TRIM21: variants seen among roughly 807,000 people sequenced by gnomAD.
TRIM21 encodes tripartite motif containing 21.
TRIM21 carries 35 observed loss-of-function variants against 36.1 expected under a neutral mutation model. The ratio of observed to expected loss-of-function variants is 0.97; its 90% CI spans 0.74 to 1.28. The LOEUF (loss-of-function observed/expected upper bound fraction) is 1.28. TRIM21 is among the 50% of genes most tolerant of loss of function. The pLI, the probability that TRIM21 is intolerant of heterozygous loss-of-function variation, is 0.00. For synonymous variants in TRIM21, 256 were observed against 211.5 expected, an observed-to-expected ratio of 1.21 and a Z score of -1.83; for missense variants, 635 against 570.7, an observed-to-expected ratio of 1.11 and a Z score of -1.15.
chr11:4,390,530 T>C, intron 1 of TRIM21, 72 bp from the exon 2 acceptor site: 1 of 951,268 alleles, frequency 1.1e-6, no homozygotes. Flanking sequence ...GTCAACATAA[T>C]CCCTATCAAA....
rs759245070 is a variant in TRIM21, at chr11:4,385,705, G to A, written c.1008C>T (p.His336=). Residue 336 remains histidine, a synonymous_variant, in exon 7 of 7, where the codon CAC becomes CAT. Coordinates refer to ENST00000254436, the MANE Select transcript of TRIM21 (RefSeq NM_003141.4). Reference sequence around the variant, plus strand: ...CCCAGTAATGTTTTCCAGAGTGAAAGTGCTGGGCACCCAGGACCATAGGAT... The same window carrying A: ...CCCAGTAATGTTTTCCAGAGTGAAAATGCTGGGCACCCAGGACCATAGGAT... ...DSYPMVLGAQ[H]FHSGKHYWEV... 18 of 1,613,272 alleles carry A rather than the reference G, an allele frequency of 1.1e-5. No homozygotes were observed. Among genetic ancestry groups the A allele is most frequent in the South Asian group, 2.2e-5 (2 of 90,866 alleles).
rs1564809357 is a variant in TRIM21 at position 4,385,705 on chromosome 11, GT to G, written c.1007del (p.His336ProfsTer11). ...DSYPMVLGAQHFHSGKHYWEV... is the reference protein window; with the variant it reads ...DSYPMVLGAQXFHSGKHYWEV... ...CCCAGTAATGTTTTCCAGAGTGAAA[GT>G]GCTGGGCACCCAGGACCATAGGATA... On this transcript the variant is annotated frameshift_variant, in exon 7 of 7. Transcript: ENST00000254436. LOFTEE classifies it low-confidence loss of function (END_TRUNC). 1 of 1,613,272 alleles carries G rather than the reference GT, an allele frequency of 6.2e-7. No homozygotes were observed. The highest frequency in any genetic ancestry group is 2.2e-5 in the East Asian group (1 of 44,852).
intron 1 of TRIM21, among the ~76,000 whole-genome samples, chr11:4,392,151 A>G (rs2094963748): frequency 6.6e-6 from 1 of 152,182 alleles, no homozygotes. Context: ...ATTATTACAC[A>G]TTGTATACCT....
In TRIM21 at chr11:4,385,552, T is replaced by A; in HGVS notation, c.1161A>T (p.Lys387Asn). ...TCTGGGGGTAGGTGCCAGCCTCATA[T>A]TTTTGTTTGTTCCACAACCAAATTG... ...FWTIWLWNKQ[K>N]YEAGTYPQTP... The change falls in exon 7 of 7, where the codon AAA (lysine) becomes AAT (asparagine). Residue 387 changes from lysine (K) to asparagine (N), a missense_variant. By Grantham distance (94) the Lys-to-Asn change is moderately conservative. Transcript: ENST00000254436. The A allele has an allele frequency of 6.2e-7, 1 of 1,612,376 alleles. No individual in the cohort carries two copies. The highest frequency in any genetic ancestry group is 8.5e-7 in the Non-Finnish European group (1 of 1,179,202).
At chr11:4,387,337 A>G (rs2599586) in intron 4 of TRIM21, among the ~76,000 whole-genome samples, 77,517 of 151,482 alleles carry the variant, frequency 0.51, 20,391 homozygotes, top group African/African-American at 0.64. Context: ...AAACAATCAC[A>G]GGCAGAGAAT....
At chr11:4,386,392 G>A in intron 5 of TRIM21, 135 bp from the exon 6 acceptor site, 1 of 784,938 alleles carries the variant, frequency 1.3e-6, no homozygotes, top group Non-Finnish European at 2.2e-6. Flanking sequence ...CAAGTCTCCA[G>A]GAGTGGGTGT....
In TRIM21 at chr11:4,388,335, G is replaced by C. The variant is rs201531249; in HGVS notation, c.700C>G (p.Arg234Gly). Residue 234 changes from arginine to glycine, a missense_variant, in exon 4 of 7, where the codon CGA (arginine) becomes GGA (glycine). Coordinates refer to ENST00000254436, the MANE Select transcript of TRIM21 (RefSeq NM_003141.4). ...ALQELISELDRRCHSSALELL... is the reference protein window; with the variant it reads ...ALQELISELDGRCHSSALELL... ...TCCAGTGCTGAGCTGTGGCACCTTC[G>C]ATCTAGCTCTGAGATGAGCTCCTGT... The C allele has an allele frequency of 7.4e-6, 12 of 1,613,880 alleles. No individual in the cohort carries two copies. Among genetic ancestry groups the C allele is most frequent in the South Asian group, 5.5e-5 (5 of 91,082 alleles).
intron 4 of TRIM21, among the ~76,000 whole-genome samples, chr11:4,387,596 T>C (rs2554932): frequency 0.79 from 119,619 of 151,988 alleles, 47,150 homozygotes; most frequent in East Asian, 0.86. Flanking sequence ...TGGCTCACTC[T>C]TGTAATCCCA....
intron 4 of TRIM21, 113 bp from the exon 5 acceptor site, chr11:4,387,103 TC>T: frequency 9.4e-7 from 1 of 1,059,648 alleles, no homozygotes; most frequent in Non-Finnish European, 1.4e-6. Flanking sequence ...TTCCTCTCCT[TC>T]CTCTGGTCCT....
Position 4,385,050 on chromosome 11 carries a change from T to C in TRIM21, c.*235A>G, listed in dbSNP as rs995815045. ...AAAGAAGGCAGAAACATGTTTTTGG[T>C]TGATCAAGATGAGTTTGGGCCAAAT... On this transcript the variant is annotated 3_prime_UTR_variant, in exon 7 of 7. Transcript: ENST00000254436. 8.5e-6 allele frequency: 4 copies of C among 469,622 alleles called. No individual in the cohort carries two copies. Among genetic ancestry groups the C allele is most frequent in the South Asian group, 4.6e-5 (1 of 21,560 alleles). 29.1% of individuals were successfully genotyped at this position (469,622 alleles called of 1,614,324 possible). A position where few individuals can be genotyped will look rare whatever the true frequency, so the allele number is the denominator to read the frequency against.
At chr11:4,393,258 C>T (rs2094965200) in intron 1 of TRIM21, among the ~76,000 whole-genome samples, 1 of 152,164 alleles carries the variant, frequency 6.6e-6, no homozygotes, top group South Asian at 2.1e-4. Flanking sequence ...CCTGGCTAGG[C>T]TGTAGTCCTG....
chr11:4,387,127 T>C, intron 4 of TRIM21, 137 bp from the exon 5 acceptor site: 1 of 852,812 alleles, frequency 1.2e-6, no homozygotes, highest in South Asian at 1.7e-5. Context: ...GCCCCAGAGA[T>C]GATTCTGACC....
At position 4,385,664 on chromosome 11, in the gene TRIM21, C is replaced by T; in HGVS notation, c.1049G>A (p.Gly350Glu). ...GACACCCAGGTCCCAGGCCTCCTTT[C>T]CTGTCACATCTACCTCCCAGTAATG... ...GKHYWEVDVT[G>E]KEAWDLGVCR... is the part of the protein sequence containing the mutation. The change falls in exon 7 of 7, where the codon GGA becomes GAA. Residue 350 changes from glycine (G) to glutamate (E), a missense_variant. Coordinates refer to ENST00000254436, the MANE Select transcript of TRIM21 (RefSeq NM_003141.4). 1.2e-6 allele frequency: 2 copies of T among 1,613,264 alleles called. No homozygotes were observed. The highest frequency in any genetic ancestry group is 1.7e-6 in the Non-Finnish European group (2 of 1,179,594).
chr11:4,386,041 T>A (rs1019102597), intron 6 of TRIM21, 116 bp downstream of exon 6: 1 of 1,132,810 alleles, frequency 8.8e-7, no homozygotes, highest in Admixed American at 2.0e-5. Flanking sequence ...CTTACCTCCA[T>A]CTCTGTTCCC....
At position 4,390,286 on chromosome 11, in the gene TRIM21, G is replaced by A; in HGVS notation, c.124C>T (p.Gln42Ter). 6.2e-7 allele frequency: 1 copy of A among 1,613,990 alleles called. No individual in the cohort carries two copies. The highest frequency in any genetic ancestry group is 1.1e-5 in the South Asian group (1 of 91,090). ...GHSFCQECISQVGKGGGSVCP... is the reference protein window; with the variant it reads ...GHSFCQECIS ...ACGCTGCCCCCACCTTTCCCAACCT[G>A]AGAGATGCATTCCTGGCAGAAGCTG... The change falls in exon 2 of 7, where the codon CAG becomes TAG. Residue 42 changes from glutamine to a stop codon, truncating the protein, a stop_gained. Transcript: ENST00000254436. LOFTEE classifies it high-confidence loss of function.
intron 5 of TRIM21, 82 bp from the exon 6 acceptor site, chr11:4,386,339 C>T (rs756158733): frequency 2.3e-5 from 27 of 1,150,732 alleles, no homozygotes; most frequent in Middle Eastern, 1.9e-4. Flanking sequence ...TGGAGGACTC[C>T]GATAATTTAA....
chr11:4,385,810 T>C lies in TRIM21; in HGVS notation c.903A>G (p.Ile301Met), dbSNP rs1286388652. 1.9e-6 allele frequency: 3 copies of C among 1,613,356 alleles called. No homozygotes were observed. Among genetic ancestry groups the C allele is most frequent in the Non-Finnish European group, 2.5e-6 (3 of 1,179,654 alleles). ...LDPDTANPWLILSEDRRQVRL... is the reference protein window; with the variant it reads ...LDPDTANPWLMLSEDRRQVRL... ...TCACTTGTCTCCGATCTTCTGAAAG[T>C]ATCAGCCACGGATTGGCTGTGTCTG... The change falls in exon 7 of 7, where the codon ATA becomes ATG. Residue 301 changes from isoleucine (I) to methionine (M), a missense_variant. Physicochemically the swap from Ile to Met is conservative, Grantham distance 10. Transcript: ENST00000254436.
chr11:4,389,773 G>T (rs5030769), intron 2 of TRIM21, 24 bp from the exon 3 acceptor site: 1 of 1,606,050 alleles, frequency 6.2e-7, no homozygotes, highest in Non-Finnish European at 8.5e-7. Flanking sequence ...CAGCTTATTC[G>T]TCCCCCATGC....
chr11:4,386,287 C>G (rs951848142), intron 5 of TRIM21, 30 bp from the exon 6 acceptor site: 1 of 1,556,268 alleles, frequency 6.4e-7, no homozygotes, highest in Non-Finnish European at 8.9e-7. Flanking sequence ...AGACTCCTGT[C>G]TCCTACTCCT....
Sources: gnomAD v4.1 joint callset for allele counts (sites outside exome capture counted in the v4.1 genomes callset) on GRCh38, gnomAD v4.1.1 for gene constraint, MANE v1.5 for transcripts, NCBI Gene and HGNC (gene_info 2026-07-23, HGNC 2026-07-21) for gene names.